Variants in ALOX5 observed in about 807,000 individuals in gnomAD.
ALOX5 encodes polyunsaturated fatty acid 5-lipoxygenase.
In ALOX5, 64 loss-of-function variants were observed where a neutral mutation model predicts 87.9. The observed-to-expected ratio is 0.73, with a 90% CI of 0.60 to 0.90. The LOEUF is 0.90. Among genes scored for constraint, ALOX5 ranks in the 40% least tolerant of loss-of-function variants. The pLI is 0.00. For synonymous variants in ALOX5, 388 were observed against 355.1 expected (o/e 1.09, Z -1.04); for missense variants, 822 against 907.5 (o/e 0.91, Z 1.21).
chr10:45,390,253 C>T (rs1339384475), intron 2 of ALOX5, among the ~76,000 whole-genome samples: 2 of 152,204 alleles, frequency 1.3e-5, no homozygotes, highest in Non-Finnish European at 2.9e-5. Flanking sequence ...GAGACTTTAA[C>T]ACCCCACTGT....
At chr10:45,402,626 T>C (rs977402468) in intron 3 of ALOX5, among the ~76,000 whole-genome samples, 16 of 152,158 alleles carry the variant, frequency 1.1e-4, no homozygotes, top group African/African-American at 3.9e-4. Flanking sequence ...GGTCTCAAGC[T>C]AAAAGGATTT....
intron 2 of ALOX5, among the ~76,000 whole-genome samples, chr10:45,391,054 C>CGG (rs1205753852): frequency 3.2e-5 from 3 of 93,010 alleles, no homozygotes; most frequent in Admixed American, 1.1e-4. Context: ...CCCCTCTCCC[C>CGG]TCTCCCTCTC....
At chr10:45,378,400 C>T (rs191828179) in intron 1 of ALOX5, among the ~76,000 whole-genome samples, 1 of 152,174 alleles carries the variant, frequency 6.6e-6, no homozygotes, top group Non-Finnish European at 1.5e-5. Flanking sequence ...GCCTCAGTTT[C>T]TATCTGTAAA....
chr10:45,400,474 C>T (rs61854073), intron 3 of ALOX5, among the ~76,000 whole-genome samples: 3,133 of 152,198 alleles, frequency 0.021, 51 homozygotes, highest in Admixed American at 0.03. Flanking sequence ...TGGTGCACGC[C>T]TGTAATCCCA....
At position 45,403,445 on chromosome 10, in the gene ALOX5, C is replaced by T. The variant is rs370373703; in HGVS notation, c.431+7509C>T. 5.3e-5 allele frequency among the ~76,000 whole-genome samples: 8 copies of T among 152,070 alleles called. No homozygotes were observed. The East Asian group carries it at 1.4e-3, about 26-fold the overall frequency. ...AACAAGAAAATGATTATCATAAAGCCGAGGATGGTCATTACCGGGGATGGA... is the reference window on the plus strand; with the variant it reads ...AACAAGAAAATGATTATCATAAAGCTGAGGATGGTCATTACCGGGGATGGA... On this transcript the variant is annotated intron_variant, in intron 3 of 13. Transcript: ENST00000374391.
At chr10:45,424,173 T>G (rs199618529) in intron 5 of ALOX5, 26 bp downstream of exon 5, 1 of 1,572,198 alleles carries the variant, frequency 6.4e-7, no homozygotes, top group Non-Finnish European at 8.8e-7. Flanking sequence ...GGGGCCCAAG[T>G]GGTGCTGGGG....
Position 45,374,242 on chromosome 10 carries a change from C to G in ALOX5, c.-38C>G, listed in dbSNP as rs775221967. On this transcript the variant is annotated 5_prime_UTR_variant, in exon 1 of 14. Coordinates refer to ENST00000374391, the MANE Select transcript of ALOX5 (RefSeq NM_000698.5). ...GATGCGGACACCTGGACCGCCGCGC[C>G]GAGGCTCCCGGCGCTCGCTGCTCCC... The G allele has an allele frequency of 1.9e-5, 27 of 1,447,340 alleles. No homozygotes were observed. The highest frequency in any genetic ancestry group is 2.4e-5 in the Non-Finnish European group (26 of 1,099,762). The allele number at this position is 1,447,340 out of a possible 1,614,324, so 89.7% of individuals were successfully genotyped here. A position where few individuals can be genotyped will look rare whatever the true frequency, so the allele number is the denominator to read the frequency against.
rs140619817 is a variant in ALOX5 at position 45,381,711 on chromosome 10, G to A, written c.151-772G>A. 5.3e-3 allele frequency among the ~76,000 whole-genome samples: 809 copies of A among 152,352 alleles called. 5 individuals are homozygous for A. Among genetic ancestry groups the A allele is most frequent in the African/African-American group, 0.018 (729 of 41,572 alleles). On this transcript the variant is annotated intron_variant, in intron 1 of 13. Coordinates refer to ENST00000374391, the MANE Select transcript of ALOX5 (RefSeq NM_000698.5). ...CCTGAGCTAAGTGCAGTCAGCAGGCGTTGCCCTCTGAGCAGCACAGCACCA... is the reference window on the plus strand; with the variant it reads ...CCTGAGCTAAGTGCAGTCAGCAGGCATTGCCCTCTGAGCAGCACAGCACCA...
At chr10:45,416,114 ATAT>A (rs1024669775) in intron 4 of ALOX5, among the ~76,000 whole-genome samples, 16 of 152,304 alleles carry the variant, frequency 1.1e-4, no homozygotes, top group African/African-American at 3.8e-4. Flanking sequence ...GCTTAAAATA[ATAT>A]TATTTATTTC....
chr10:45,374,237 C>G lies in ALOX5; in HGVS notation c.-43C>G, dbSNP rs957302306. 6.9e-6 allele frequency: 10 copies of G among 1,444,582 alleles called. No homozygotes were observed. The highest frequency in any genetic ancestry group is 2.7e-5 in the Admixed American group (1 of 36,594). The allele number at this position is 1,444,582 out of a possible 1,614,324, so 89.5% of individuals were successfully genotyped here. Reference sequence around the variant, plus strand: ...CGCTAGATGCGGACACCTGGACCGCCGCGCCGAGGCTCCCGGCGCTCGCTG... The same window carrying G: ...CGCTAGATGCGGACACCTGGACCGCGGCGCCGAGGCTCCCGGCGCTCGCTG... On this transcript the variant is annotated 5_prime_UTR_variant, in exon 1 of 14. Coordinates refer to ENST00000374391, the MANE Select transcript of ALOX5 (RefSeq NM_000698.5).
At chr10:45,377,759 C>T (rs1839677743) in intron 1 of ALOX5, among the ~76,000 whole-genome samples, 2 of 152,302 alleles carry the variant, frequency 1.3e-5, no homozygotes, top group African/African-American at 4.8e-5. Context: ...GCAGAGAGAT[C>T]CGTCTCCCTG....
Position 45,444,313 on chromosome 10 carries a change from C to G in ALOX5, c.1845+27C>G, listed in dbSNP as rs766638881. 2.9e-5 allele frequency: 45 copies of G among 1,529,664 alleles called. No homozygotes were observed. The East Asian group carries it at 9.8e-4, about 33-fold the overall frequency. 94.8% of individuals were successfully genotyped at this position (1,529,664 alleles called of 1,614,324 possible). On this transcript the variant is annotated intron_variant, in intron 13 of 13. Coordinates refer to ENST00000374391, the MANE Select transcript of ALOX5 (RefSeq NM_000698.5). Reference sequence around the variant, plus strand: ...TGAAGCTGGGCAGGGCGGGGCACAGCCCCAGGTCACCCCAGGTTAAGCGGT... The same window carrying G: ...TGAAGCTGGGCAGGGCGGGGCACAGGCCCAGGTCACCCCAGGTTAAGCGGT...
In ALOX5 at chr10:45,438,129, CTT is replaced by C. The variant is rs11290750; in HGVS notation, c.982-2289_982-2288del. Among the ~76,000 whole-genome samples, 916 of 146,138 alleles carry C rather than the reference CTT, an allele frequency of 6.3e-3. 8 individuals carry two copies. Among genetic ancestry groups the C allele is most frequent in the Middle Eastern group, 0.021 (6 of 288 alleles). On this transcript the variant is annotated intron_variant, in intron 7 of 13. Coordinates refer to ENST00000374391, the MANE Select transcript of ALOX5 (RefSeq NM_000698.5). The stretch of plus-strand genomic sequence containing the variant: ...ATGAACAAAGATAATTTGACTTCCT[CTT>C]TTTTTTTTTTTCATTTGGATCCCTT...
Position 45,443,732 on chromosome 10 carries a change from C to T in ALOX5, c.1578C>T (p.Phe526=). ...CCGCCGGTGGTTCCACCCTAGGCTT[C>T]CCCAAGTCGGTCAAGAGCCGGGAGC... The part of the protein sequence containing the change: ...YGMRGRKSSG[F]PKSVKSREQL... Residue 526 remains phenylalanine (F), a synonymous_variant, in exon 12 of 14, where the codon TTC becomes TTT. Coordinates refer to ENST00000374391, the MANE Select transcript of ALOX5 (RefSeq NM_000698.5). 2 of 1,611,798 alleles carry T rather than the reference C, an allele frequency of 1.2e-6. No homozygotes were observed. The highest frequency in any genetic ancestry group is 1.7e-6 in the Non-Finnish European group (2 of 1,179,236).
chr10:45,382,045 G>A lies in ALOX5; in HGVS notation c.151-438G>A, dbSNP rs901152742. On this transcript the variant is annotated intron_variant, in intron 1 of 13. Transcript: ENST00000374391. Reference sequence around the variant, plus strand: ...CGTGGCATGGGAGCCCTCTTAAAAAGATGAAGACCCCAAGAAGCAGTTAGA... The same window carrying A: ...CGTGGCATGGGAGCCCTCTTAAAAAAATGAAGACCCCAAGAAGCAGTTAGA... 2.0e-5 allele frequency among the ~76,000 whole-genome samples: 3 copies of A among 152,214 alleles called. No homozygotes were observed. The East Asian group carries it at 5.8e-4, about 29-fold the overall frequency.
At chr10:45,409,529 CTCTCTG>C (rs1190318112) in intron 3 of ALOX5, among the ~76,000 whole-genome samples, 32 of 150,000 alleles carry the variant, frequency 2.1e-4, no homozygotes, top group African/African-American at 5.7e-4. Context: ...CTCTCTCTCT[CTCTCTG>C]TCTCTCTGTC....
intron 4 of ALOX5, among the ~76,000 whole-genome samples, chr10:45,416,181 G>A (rs1589022832): frequency 6.6e-6 from 1 of 152,202 alleles, no homozygotes; most frequent in African/African-American, 2.4e-5. Flanking sequence ...AAGCTTCATG[G>A]CCATCCTGGG....
At chr10:45,419,175 G>A (rs1473717259) in intron 4 of ALOX5, among the ~76,000 whole-genome samples, 1 of 152,244 alleles carries the variant, frequency 6.6e-6, no homozygotes, top group Non-Finnish European at 1.5e-5. Context: ...TGACTGTCAG[G>A]CCGCGCGGAG....
At chr10:45,380,042 C>T (rs1390049408) in intron 1 of ALOX5, among the ~76,000 whole-genome samples, 2 of 152,198 alleles carry the variant, frequency 1.3e-5, no homozygotes, top group Non-Finnish European at 2.9e-5. Flanking sequence ...CCACTCAGCC[C>T]CCACTCTGCT....
Sources: allele counts gnomAD v4.1 joint callset (sites outside exome capture counted in the v4.1 genomes callset), GRCh38; gene constraint gnomAD v4.1.1; transcripts MANE v1.5; gene names NCBI Gene and HGNC (gene_info 2026-07-23, HGNC 2026-07-21).